NDST3: variants seen among roughly 807,000 people sequenced by gnomAD.
The protein encoded by NDST3 is N-deacetylase and N-sulfotransferase 3.
In NDST3, 58 loss-of-function variants were observed where a neutral mutation model predicts 96.1. The observed-to-expected ratio is 0.60, with a 90% CI of 0.49 to 0.75. The LOEUF (loss-of-function observed/expected upper bound fraction) is 0.75. Among genes scored for constraint, NDST3 ranks in the 30% least tolerant of loss-of-function variants. The pLI, the probability that NDST3 is intolerant of heterozygous loss-of-function variation, is 0.00. For synonymous variants in NDST3, 333 were observed against 359.7 expected (o/e 0.93, Z 0.84); for missense variants, 788 against 1,034.2 (o/e 0.76, Z 3.27).
chr4:118,036,365 G>A (rs1436619637), intron 1 of NDST3, among the ~76,000 whole-genome samples: 1 of 151,936 alleles, frequency 6.6e-6, no homozygotes, highest in African/African-American at 2.4e-5. Flanking sequence ...ATAAAATCAG[G>A]GAAATTGAAT....
chr4:118,068,299 C>G (rs1201372252), intron 2 of NDST3, among the ~76,000 whole-genome samples: 1 of 151,230 alleles, frequency 6.6e-6, no homozygotes, highest in Non-Finnish European at 1.5e-5. Context: ...CCAAGTATAC[C>G]TGTACTTTTA....
intron 2 of NDST3, among the ~76,000 whole-genome samples, chr4:118,081,372 TCA>T (rs754378067): frequency 6.6e-6 from 1 of 152,024 alleles, no homozygotes; most frequent in Non-Finnish European, 1.5e-5. Context: ...CATATAAAAC[TCA>T]GTTTATTTTT....
intron 6 of NDST3, among the ~76,000 whole-genome samples, chr4:118,207,066 A>G: frequency 7.0e-6 from 1 of 142,600 alleles, no homozygotes; most frequent in East Asian, 2.0e-4. Context: ...GATGTATTAA[A>G]TTTTTAAAAA....
intron 2 of NDST3, among the ~76,000 whole-genome samples, chr4:118,057,431 C>T (rs967436131): frequency 5.9e-5 from 9 of 151,888 alleles, no homozygotes; most frequent in African/African-American, 2.2e-4. Flanking sequence ...TCATTCACCA[C>T]ATGAAAGTGT....
chr4:118,208,372 T>C lies in NDST3; in HGVS notation c.1540-16119T>C, dbSNP rs1252980006. ...TCATAAAGGTTTGAAATTTTTTATA[T>C]TTCTGGTCTTTCCCCCATCTCTGCA... On this transcript the variant is annotated intron_variant, in intron 6 of 13. Transcript: ENST00000296499. Among the ~76,000 whole-genome samples, 5 of 143,740 alleles carry C rather than the reference T, an allele frequency of 3.5e-5. 1 individual carries two copies. The highest frequency in any genetic ancestry group is 7.7e-5 in the Non-Finnish European group (5 of 64,928). The allele number at this position is 143,740 out of a possible 152,430, so 94.3% of individuals were successfully genotyped here.
At chr4:118,144,293 G>C (rs1733785202) in intron 6 of NDST3, among the ~76,000 whole-genome samples, 1 of 151,858 alleles carries the variant, frequency 6.6e-6, no homozygotes, top group Non-Finnish European at 1.5e-5. Context: ...CCATTCTCCT[G>C]CCTCAGCCTC....
Position 118,053,844 on chromosome 4 carries a change from A to G in NDST3, c.-67A>G. 4.0e-6 allele frequency: 6 copies of G among 1,498,294 alleles called. No homozygotes were observed. The highest frequency in any genetic ancestry group is 5.3e-6 in the Non-Finnish European group (6 of 1,121,852). 92.8% of individuals were successfully genotyped at this position (1,498,294 alleles called of 1,614,324 possible). ...TGACAGAGATTGGAAAAGTAGCTGG[A>G]ACACCATCTTTTCTTTTAACTTTTT... is the stretch of plus-strand genomic sequence containing the variant. On this transcript the variant is annotated 5_prime_UTR_variant, in exon 2 of 14. Coordinates refer to ENST00000296499, the MANE Select transcript of NDST3 (RefSeq NM_004784.3).
chr4:118,168,826 A>G (rs1735730895), intron 6 of NDST3, among the ~76,000 whole-genome samples: 1 of 152,222 alleles, frequency 6.6e-6, no homozygotes, highest in Non-Finnish European at 1.5e-5. Context: ...GTGTGACAAC[A>G]TGGATCAACA....
At chr4:118,160,344 C>T (rs1327729567) in intron 6 of NDST3, among the ~76,000 whole-genome samples, 1 of 151,820 alleles carries the variant, frequency 6.6e-6, no homozygotes, top group Admixed American at 6.6e-5. Flanking sequence ...GGAGCTTCTG[C>T]ACAACAACAA....
chr4:118,076,113 T>C (rs1578588893), intron 2 of NDST3, among the ~76,000 whole-genome samples: 1 of 152,308 alleles, frequency 6.6e-6, no homozygotes, highest in East Asian at 1.9e-4. Flanking sequence ...TTAAGAATAC[T>C]GAAATGGGCC....
chr4:118,237,112 TTACTTCCACTCAGAGGAAGCCCCTAA>T lies in NDST3; in HGVS notation c.2011_2036del (p.Tyr671LysfsTer17). The T allele has an allele frequency of 6.2e-7, 1 of 1,612,886 alleles. No individual in the cohort carries two copies. Among genetic ancestry groups the T allele is most frequent in the Non-Finnish European group, 8.5e-7 (1 of 1,179,376 alleles). On this transcript the variant is annotated frameshift_variant, in exon 10 of 14. Transcript: ENST00000296499. LOFTEE classifies it high-confidence loss of function. ...ACTTTTTGTTTGAGAAGAGTGCCAA[TTACTTCCACTCAGAGGAAGCCCCTAA>T]AAGAGCTGCTTCTCTGGTTCCCAAA... is the stretch of plus-strand genomic sequence containing the variant.
chr4:118,067,166 C>G (rs751616166), intron 2 of NDST3, among the ~76,000 whole-genome samples: 31 of 151,310 alleles, frequency 2.0e-4, no homozygotes, highest in Non-Finnish European at 3.4e-4. Flanking sequence ...TTCTGATATG[C>G]TGAAAAATAC....
At chr4:118,228,193 C>G (rs534696839) in intron 8 of NDST3, among the ~76,000 whole-genome samples, 1 of 152,174 alleles carries the variant, frequency 6.6e-6, no homozygotes, top group South Asian at 2.1e-4. Context: ...AATCTGAAAA[C>G]AATAATAAAC....
At chr4:118,056,490 G>A (rs1725442346) in intron 2 of NDST3, among the ~76,000 whole-genome samples, 1 of 151,906 alleles carries the variant, frequency 6.6e-6, no homozygotes, top group African/African-American at 2.4e-5. Context: ...TAAAAAATGT[G>A]TTTTGAATAA....
At position 118,232,995 on chromosome 4, in the gene NDST3, C is replaced by T; in HGVS notation, c.1820-17C>T. ...GTTTTCATTTAATTAATTTCTGAAC[C>T]TCTATTGTCTTTCTAGGTACCACTG... On this transcript the variant is annotated splice_polypyrimidine_tract_variant and intron_variant, in intron 8 of 13. Coordinates refer to ENST00000296499, the MANE Select transcript of NDST3 (RefSeq NM_004784.3). The T allele has an allele frequency of 1.2e-6, 2 of 1,602,360 alleles. No homozygotes were observed. Among genetic ancestry groups the T allele is most frequent in the Non-Finnish European group, 1.7e-6 (2 of 1,173,280 alleles).
intron 6 of NDST3, among the ~76,000 whole-genome samples, chr4:118,178,210 T>C (rs1031048014): frequency 6.6e-6 from 1 of 152,034 alleles, no homozygotes; most frequent in Non-Finnish European, 1.5e-5. Flanking sequence ...AAATTTATCA[T>C]CTTAATTATT....
At chr4:118,231,030 A>C (rs1278538575) in intron 8 of NDST3, among the ~76,000 whole-genome samples, 1 of 152,072 alleles carries the variant, frequency 6.6e-6, no homozygotes, top group East Asian at 1.9e-4. Flanking sequence ...ATACTACCTT[A>C]CTTCCATATT....
intron 6 of NDST3, among the ~76,000 whole-genome samples, chr4:118,187,077 A>G (rs1737013525): frequency 6.6e-6 from 1 of 152,214 alleles, no homozygotes; most frequent in African/African-American, 2.4e-5. Context: ...AAATAGATCA[A>G]AGAATTAGCT....
chr4:118,155,924 A>G (rs747433821), intron 6 of NDST3, among the ~76,000 whole-genome samples: 11 of 152,224 alleles, frequency 7.2e-5, no homozygotes, highest in Non-Finnish European at 1.5e-4. Flanking sequence ...GGAGAAATGA[A>G]TATTATGTTA....
Sources: allele counts gnomAD v4.1 joint callset (sites outside exome capture counted in the v4.1 genomes callset), GRCh38; gene constraint gnomAD v4.1.1; transcripts MANE v1.5; gene names NCBI Gene and HGNC (gene_info 2026-07-23, HGNC 2026-07-21).